The following AKAP6 variants were observed in gnomAD, a reference collection of about 807,000 sequenced individuals.
AKAP6 encodes A-kinase anchor protein 6.
In AKAP6, 58 loss-of-function variants were observed where a neutral mutation model predicts 188.5. The ratio of observed to expected loss-of-function variants is 0.31; its 90% CI spans 0.25 to 0.38. AKAP6 has a LOEUF of 0.38. AKAP6 is among the 10% of genes least tolerant of loss of function. The probability of loss-of-function intolerance (pLI) is 1.00; values close to 1 mark genes in which losing one functional copy is unlikely to be tolerated. For synonymous variants in AKAP6, 989 were observed against 998.6 expected (o/e 0.99, Z 0.18); for missense variants, 2,710 against 2,740.0 (o/e 0.99, Z 0.24).
intron 11 of AKAP6, among the ~76,000 whole-genome samples, chr14:32,755,938 A>G (rs1246266529): frequency 6.6e-6 from 1 of 152,220 alleles, no homozygotes; most frequent in Non-Finnish European, 1.5e-5. Flanking sequence ...GTGCCTGCAC[A>G]TTTCAAGAAG....
intron 8 of AKAP6, among the ~76,000 whole-genome samples, chr14:32,679,224 AT>A (rs1889570226): frequency 6.6e-6 from 1 of 152,004 alleles, no homozygotes; most frequent in African/African-American, 2.4e-5. Flanking sequence ...AAGTGTATAT[AT>A]TTTTTCTTTT....
At chr14:32,603,156 G>T (rs1313359119) in intron 7 of AKAP6, among the ~76,000 whole-genome samples, 1 of 152,164 alleles carries the variant, frequency 6.6e-6, no homozygotes, top group Admixed American at 6.5e-5. Flanking sequence ...AAGGGAAGCT[G>T]GGTGCCCTGT....
chr14:32,680,448 C>G lies in AKAP6; in HGVS notation c.2879+1989C>G, dbSNP rs1279272254. On this transcript the variant is annotated intron_variant, in intron 8 of 13. Transcript: ENST00000280979. ...TGTAAAATTATCTGCTCCAATGATA[C>G]ATAAACTTCATTAATCATTCTTTTT... 3.9e-5 allele frequency among the ~76,000 whole-genome samples: 6 copies of G among 152,268 alleles called. No homozygotes were observed. In the East Asian group the frequency reaches 1.2e-3, roughly 29 times the overall value.
intron 11 of AKAP6, among the ~76,000 whole-genome samples, chr14:32,757,725 G>A (rs569948241): frequency 9.8e-5 from 15 of 152,328 alleles, no homozygotes; most frequent in East Asian, 7.7e-4. Flanking sequence ...CAGGCTAAAC[G>A]GAGATACAGA....
At chr14:32,505,524 TAAAC>T (rs1288968093) in intron 2 of AKAP6, among the ~76,000 whole-genome samples, 1 of 152,084 alleles carries the variant, frequency 6.6e-6, no homozygotes, top group Non-Finnish European at 1.5e-5. Flanking sequence ...ATCAAAATTT[TAAAC>T]AAAGACAGAA....
chr14:32,585,373 C>G (rs540261564), intron 5 of AKAP6, among the ~76,000 whole-genome samples: 2 of 152,230 alleles, frequency 1.3e-5, no homozygotes, highest in Admixed American at 1.3e-4. Context: ...TAGATAGCAC[C>G]GTGTTATTCT....
chr14:32,710,502 A>G (rs765888142), intron 9 of AKAP6, among the ~76,000 whole-genome samples: 10 of 152,214 alleles, frequency 6.6e-5, no homozygotes, highest in African/African-American at 9.6e-5. Flanking sequence ...TTTCAAGGGA[A>G]CATGAGGTGG....
At chr14:32,634,601 G>A (rs532470252) in intron 7 of AKAP6, among the ~76,000 whole-genome samples, 2 of 152,014 alleles carry the variant, frequency 1.3e-5, no homozygotes, top group East Asian at 1.9e-4. Context: ...CTAATTAATC[G>A]ATAATATTTA....
chr14:32,654,376 A>G (rs1162209527), intron 7 of AKAP6, among the ~76,000 whole-genome samples: 3 of 152,166 alleles, frequency 2.0e-5, no homozygotes, highest in Non-Finnish European at 4.4e-5. Flanking sequence ...GTGGAATGAA[A>G]TGGCATTGAC....
intron 2 of AKAP6, among the ~76,000 whole-genome samples, chr14:32,469,278 A>G (rs946603049): frequency 6.6e-6 from 1 of 152,066 alleles, no homozygotes; most frequent in African/African-American, 2.4e-5. Context: ...GATTTTCACA[A>G]CCTCCTTGGT....
At chr14:32,350,331 A>T (rs984442690) in intron 1 of AKAP6, among the ~76,000 whole-genome samples, 1 of 152,338 alleles carries the variant, frequency 6.6e-6, no homozygotes, top group African/African-American at 2.4e-5. Context: ...TATTCTTCTC[A>T]AATATCCATA....
At chr14:32,469,649 C>G (rs1427835350) in intron 2 of AKAP6, among the ~76,000 whole-genome samples, 1 of 149,270 alleles carries the variant, frequency 6.7e-6, no homozygotes, top group Admixed American at 6.6e-5. Flanking sequence ...TCCCATTTTT[C>G]TTTGCCTCGC....
intron 9 of AKAP6, among the ~76,000 whole-genome samples, chr14:32,719,559 T>G (rs2030416819): frequency 6.6e-6 from 1 of 152,150 alleles, no homozygotes. Flanking sequence ...ATCAACAGAG[T>G]TAACATAAGA....
intron 12 of AKAP6, among the ~76,000 whole-genome samples, chr14:32,813,941 G>A (rs2140124000): frequency 6.6e-6 from 1 of 151,222 alleles, no homozygotes; most frequent in East Asian, 1.9e-4. Context: ...TGCTTTGAGG[G>A]TAGAGGTATT....
At chr14:32,540,097 G>GC (rs1436124449) in intron 3 of AKAP6, among the ~76,000 whole-genome samples, 2 of 105,230 alleles carry the variant, frequency 1.9e-5, no homozygotes, top group South Asian at 6.2e-4. Flanking sequence ...CTTAGAATTA[G>GC]AAAAAAAAAA....
At chr14:32,692,303 GC>G (rs1356375677) in intron 8 of AKAP6, among the ~76,000 whole-genome samples, 2 of 152,002 alleles carry the variant, frequency 1.3e-5, no homozygotes, top group African/African-American at 2.4e-5. Flanking sequence ...ATGCTAAAAA[GC>G]CAGTGAAAAA....
rs957448327 is a variant in AKAP6 at position 32,837,354 on chromosome 14, A to G, written c.*7549A>G. 1 of 152,244 alleles carries G rather than the reference A, an allele frequency of 6.6e-6. No individual in the cohort carries two copies. The allele number at this position is 152,244 out of a possible 1,614,324, so 9.4% of individuals were successfully genotyped here. A position where few individuals can be genotyped will look rare whatever the true frequency, so the allele number is the denominator to read the frequency against. ...ACCTAACTCTATAAACAAATGGGCC[A>G]TTACAGACGTAAAACAAATATTATT... On this transcript the variant is annotated 3_prime_UTR_variant, in exon 14 of 14. Coordinates refer to ENST00000280979, the MANE Select transcript of AKAP6 (RefSeq NM_004274.5).
intron 11 of AKAP6, among the ~76,000 whole-genome samples, chr14:32,745,479 CT>C: frequency 7.1e-6 from 1 of 140,712 alleles, no homozygotes; most frequent in Non-Finnish European, 1.5e-5. Context: ...CTCTCTCTCT[CT>C]CTCTCTCTCT....
chr14:32,750,143 T>C (rs1031593268), intron 11 of AKAP6, among the ~76,000 whole-genome samples: 1 of 152,198 alleles, frequency 6.6e-6, no homozygotes, highest in African/African-American at 2.4e-5. Flanking sequence ...CTAGTTTAAA[T>C]ATTTTGCTAC....
Sources: allele counts gnomAD v4.1 joint callset (sites outside exome capture counted in the v4.1 genomes callset), GRCh38; gene constraint gnomAD v4.1.1; transcripts MANE v1.5; gene names NCBI Gene and HGNC (gene_info 2026-07-23, HGNC 2026-07-21).